Variants in CAB39L observed in about 807,000 individuals in gnomAD.
CAB39L encodes the protein calcium-binding protein 39-like.
A neutral mutation model predicts 39.1 loss-of-function variants in CAB39L; 23 were observed. That is an observed-to-expected ratio of 0.59 (90% CI 0.42 to 0.83). The LOEUF (loss-of-function observed/expected upper bound fraction) is 0.83, where lower values mean the gene tolerates loss of function less well. CAB39L is among the 40% of genes least tolerant of loss of function. The probability of loss-of-function intolerance (pLI) is 0.00; values close to 1 mark genes in which losing one functional copy is unlikely to be tolerated. For missense variants in CAB39L, 366 were observed against 391.9 expected (o/e 0.93, Z 0.56); for synonymous variants, 126 against 137.2 (o/e 0.92, Z 0.57).
chr13:49,423,269 G>A (rs953086520), intron 3 of CAB39L, among the ~76,000 whole-genome samples: 2 of 152,194 alleles, frequency 1.3e-5, no homozygotes, highest in African/African-American at 2.4e-5. Context: ...CCCAGGGGAC[G>A]TTGATTCTGC....
intron 10 of CAB39L, among the ~76,000 whole-genome samples, chr13:49,314,296 A>G (rs183551483): frequency 4.5e-4 from 69 of 152,254 alleles, no homozygotes; most frequent in African/African-American, 1.6e-3. Context: ...ATCTAGAAAT[A>G]AAAGGACCTC....
intron 3 of CAB39L, among the ~76,000 whole-genome samples, chr13:49,420,784 G>T (rs1432100076): frequency 6.6e-6 from 1 of 152,096 alleles, no homozygotes; most frequent in Non-Finnish European, 1.5e-5. Flanking sequence ...TATTACTGTT[G>T]GAATTACGAG....
intron 3 of CAB39L, among the ~76,000 whole-genome samples, chr13:49,425,652 A>G (rs781144796): frequency 6.6e-6 from 1 of 152,246 alleles, no homozygotes; most frequent in Non-Finnish European, 1.5e-5. Context: ...CTAAAGAAGC[A>G]AGTTAATTCA....
chr13:49,346,017 G>A (rs2138444892), intron 7 of CAB39L, among the ~76,000 whole-genome samples: 2 of 143,996 alleles, frequency 1.4e-5, no homozygotes, highest in South Asian at 4.5e-4. Flanking sequence ...TGAAAATCCA[G>A]TATTAGGAAA....
Position 49,408,231 on chromosome 13 carries a change from A to C in CAB39L, c.-32+25087T>G, listed in dbSNP as rs1361024869. Among the ~76,000 whole-genome samples the C allele has an allele frequency of 3.3e-5, 5 of 152,252 alleles. No homozygotes were observed. The East Asian group carries it at 9.6e-4, about 29-fold the overall frequency. On this transcript the variant is annotated intron_variant, in intron 3 of 10. Transcript: ENST00000409308. ...TGGATAGTAATTGAGAGACGAGTCA[A>C]GATCACAAGGCATTCCCATGCCTGT...
At chr13:49,426,562 G>A (rs1206381492) in intron 3 of CAB39L, among the ~76,000 whole-genome samples, 1 of 152,126 alleles carries the variant, frequency 6.6e-6, no homozygotes, top group Non-Finnish European at 1.5e-5. Flanking sequence ...GAGTAGCTGG[G>A]ACTACAGGCG....
intron 6 of CAB39L, among the ~76,000 whole-genome samples, chr13:49,356,117 G>A (rs1234982554): frequency 6.6e-6 from 1 of 152,170 alleles, no homozygotes; most frequent in African/African-American, 2.4e-5. Context: ...GTTTAAGGTT[G>A]ATGGGAAACT....
At chr13:49,371,000 T>C (rs1354282558) in intron 5 of CAB39L, among the ~76,000 whole-genome samples, 2 of 152,038 alleles carry the variant, frequency 1.3e-5, no homozygotes, top group South Asian at 2.1e-4. Flanking sequence ...ATATACACAA[T>C]CAAATAAAAT....
chr13:49,433,702 A>C (rs558079902), intron 2 of CAB39L, among the ~76,000 whole-genome samples: 1 of 152,320 alleles, frequency 6.6e-6, no homozygotes, highest in African/African-American at 2.4e-5. Flanking sequence ...CCATCTTCAA[A>C]AGGAAGAAAC....
intron 10 of CAB39L, among the ~76,000 whole-genome samples, chr13:49,313,215 C>T (rs936538041): frequency 6.6e-6 from 1 of 152,150 alleles, no homozygotes; most frequent in Non-Finnish European, 1.5e-5. Flanking sequence ...GGCGCGGTGG[C>T]TCATGCCTGT....
intron 3 of CAB39L, among the ~76,000 whole-genome samples, chr13:49,392,371 G>C (rs950103447): frequency 1.4e-5 from 2 of 140,922 alleles, no homozygotes; most frequent in African/African-American, 6.1e-5. Flanking sequence ...ACAGGCGGTG[G>C]TTCACGCCTG....
chr13:49,438,293 C>T (rs532678925), intron 1 of CAB39L, among the ~76,000 whole-genome samples: 6 of 152,128 alleles, frequency 3.9e-5, no homozygotes, highest in South Asian at 2.1e-4. Context: ...CATTTTTTTG[C>T]GGGTTATATT....
chr13:49,410,584 G>A (rs1956971538), intron 3 of CAB39L, among the ~76,000 whole-genome samples: 1 of 152,168 alleles, frequency 6.6e-6, no homozygotes, highest in South Asian at 2.1e-4. Flanking sequence ...AAAGGACAAA[G>A]AAAGAAGCAG....
rs554917349 is a variant in CAB39L, at chr13:49,383,356, CTA to C, written c.-31-417_-31-416del. ...GAAGTTCCATGACATAGTTAATGAA[CTA>C]TTTCACAAAAGAGAAAGGCACAGTA... On this transcript the variant is annotated intron_variant, in intron 3 of 10. Coordinates refer to ENST00000409308, the MANE Select transcript of CAB39L (RefSeq NM_001079670.3). Among the ~76,000 whole-genome samples, 24 of 152,156 alleles carry C rather than the reference CTA, an allele frequency of 1.6e-4. No individual in the cohort carries two copies. The East Asian group carries it at 4.4e-3, about 28-fold the overall frequency.
chr13:49,431,830 A>G (rs1957330442), intron 3 of CAB39L, among the ~76,000 whole-genome samples: 1 of 152,226 alleles, frequency 6.6e-6, no homozygotes, highest in African/African-American at 2.4e-5. Context: ...AAACTTATAC[A>G]TGAATATTCA....
At chr13:49,400,033 G>A (rs781572473) in intron 3 of CAB39L, among the ~76,000 whole-genome samples, 24 of 152,050 alleles carry the variant, frequency 1.6e-4, no homozygotes, top group Non-Finnish European at 3.2e-4. Context: ...ACACGTAGAG[G>A]AAATGTTAGA....
chr13:49,402,499 C>T (rs1956795433), intron 3 of CAB39L, among the ~76,000 whole-genome samples: 1 of 152,144 alleles, frequency 6.6e-6, no homozygotes, highest in Non-Finnish European at 1.5e-5. Context: ...TCTCCATCTC[C>T]CACTATGTCC....
chr13:49,315,514 C>T (rs1250148614), intron 10 of CAB39L, among the ~76,000 whole-genome samples: 1 of 151,928 alleles, frequency 6.6e-6, no homozygotes, highest in Non-Finnish European at 1.5e-5. Context: ...AAAACAAAAA[C>T]AAAATATATC....
intron 10 of CAB39L, among the ~76,000 whole-genome samples, chr13:49,316,345 C>T (rs1954157734): frequency 1.3e-5 from 2 of 152,030 alleles, no homozygotes; most frequent in South Asian, 2.1e-4. Flanking sequence ...TAACTTCCAA[C>T]AAAAAAGAGA....
Sources: gnomAD v4.1 joint callset for allele counts (sites outside exome capture counted in the v4.1 genomes callset) on GRCh38, gnomAD v4.1.1 for gene constraint, MANE v1.5 for transcripts, NCBI Gene and HGNC (gene_info 2026-07-23, HGNC 2026-07-21) for gene names.